The following ENPP1 variants were observed in gnomAD, a reference collection of about 807,000 sequenced individuals.
ENPP1 encodes the protein ectonucleotide pyrophosphatase/phosphodiesterase family member 1.
A neutral mutation model predicts 122.8 loss-of-function variants in ENPP1; 73 were observed. The observed-to-expected ratio is 0.59, with a 90% confidence interval of 0.49 to 0.72. The LOEUF is 0.72. ENPP1 is among the 30% of genes least tolerant of loss of function. The pLI is 0.00. For synonymous variants in ENPP1, 367 were observed against 391.6 expected, an observed-to-expected ratio of 0.94 and a Z score of 0.74; for missense variants, 978 against 1,128.1, an observed-to-expected ratio of 0.87 and a Z score of 1.91.
intron 1 of ENPP1, among the ~76,000 whole-genome samples, chr6:131,824,270 C>A (rs990025845): frequency 4.6e-5 from 7 of 151,798 alleles, no homozygotes; most frequent in African/African-American, 1.7e-4. Context: ...AAGTGACAGG[C>A]GAGCAGAAGA....
intron 1 of ENPP1, among the ~76,000 whole-genome samples, chr6:131,821,090 T>C (rs564327502): frequency 6.6e-6 from 1 of 152,340 alleles, no homozygotes; most frequent in South Asian, 2.1e-4. Flanking sequence ...CTACCCAAAG[T>C]GTGGTCTGCA....
intron 8 of ENPP1, among the ~76,000 whole-genome samples, chr6:131,861,355 G>A (rs763855283): frequency 4.6e-5 from 7 of 152,116 alleles, no homozygotes; most frequent in Non-Finnish European, 1.0e-4. Context: ...TCTTTTAAGA[G>A]ACAACTGTTA....
chr6:131,837,248 A>G (rs929057546), intron 1 of ENPP1, among the ~76,000 whole-genome samples: 1 of 150,974 alleles, frequency 6.6e-6, no homozygotes, highest in African/African-American at 2.4e-5. Flanking sequence ...TATAAAGGCC[A>G]GACACGATGG....
At chr6:131,812,725 A>G (rs972421585) in intron 1 of ENPP1, among the ~76,000 whole-genome samples, 4 of 152,224 alleles carry the variant, frequency 2.6e-5, no homozygotes, top group Non-Finnish European at 5.9e-5. Context: ...TATATATTTC[A>G]GGGAGGCAGG....
intron 1 of ENPP1, among the ~76,000 whole-genome samples, chr6:131,840,320 C>T (rs1781724390): frequency 6.6e-6 from 1 of 152,168 alleles, no homozygotes; most frequent in South Asian, 2.1e-4. Context: ...TGGTCTTCAG[C>T]TACTGTTGAA....
At chr6:131,820,500 G>A (rs1781471811) in intron 1 of ENPP1, 1 of 152,982 alleles carries the variant, frequency 6.5e-6, no homozygotes, top group Non-Finnish European at 1.5e-5. Context: ...TCCCATAGAT[G>A]AGAACCAGTC....
intron 1 of ENPP1, among the ~76,000 whole-genome samples, chr6:131,825,777 T>G (rs2114664842): frequency 6.6e-6 from 1 of 152,346 alleles, no homozygotes; most frequent in Admixed American, 6.5e-5. Flanking sequence ...TAAGTTGATT[T>G]AAGCCTAAAT....
At position 131,866,007 on chromosome 6, in the gene ENPP1, A is replaced by AAAGAG. The variant is rs1554203831; in HGVS notation, c.1164+1070_1164+1071insAGAGA. 6.2e-4 allele frequency among the ~76,000 whole-genome samples: 94 copies of AAAGAG among 150,468 alleles called. 3 individuals carry two copies. Among genetic ancestry groups the AAAGAG allele is most frequent in the African/African-American group, 2.1e-3 (84 of 40,322 alleles). On this transcript the variant is annotated intron_variant, in intron 11 of 24. Coordinates refer to ENST00000647893, the MANE Select transcript of ENPP1 (RefSeq NM_006208.3). ...GGGACTCTGTCTCAAAAAAAAAAAA[A>AAAGAG]AGAGAAAAAGAAAATGATTTGAGCA...
At chr6:131,880,359 C>A (rs944955062) in intron 20 of ENPP1, among the ~76,000 whole-genome samples, 12 of 151,968 alleles carry the variant, frequency 7.9e-5, no homozygotes, top group African/African-American at 2.7e-4. Context: ...GTCAGGAGAT[C>A]GAGACCATCC....
chr6:131,831,387 G>A (rs1176114213), intron 1 of ENPP1, among the ~76,000 whole-genome samples: 2 of 152,068 alleles, frequency 1.3e-5, no homozygotes, highest in Non-Finnish European at 2.9e-5. Flanking sequence ...TGAATCAACA[G>A]TGATACATGA....
intron 11 of ENPP1, among the ~76,000 whole-genome samples, chr6:131,865,170 C>G (rs1057082507): frequency 4.6e-5 from 7 of 152,196 alleles, no homozygotes; most frequent in Non-Finnish European, 1.0e-4. Flanking sequence ...CAATTAGCTT[C>G]TATATTTTCA....
chr6:131,872,357 C>T (rs2114714754), intron 14 of ENPP1, among the ~76,000 whole-genome samples: 1 of 152,180 alleles, frequency 6.6e-6, no homozygotes, highest in East Asian at 1.9e-4. Flanking sequence ...AAACTATTTA[C>T]AAGAAATAAT....
At chr6:131,851,866 G>A (rs1392210500) in intron 4 of ENPP1, among the ~76,000 whole-genome samples, 1 of 152,090 alleles carries the variant, frequency 6.6e-6, no homozygotes, top group Non-Finnish European at 1.5e-5. Flanking sequence ...GAAGGGGAGG[G>A]TTGTAAATTT....
chr6:131,844,962 T>C (rs1476531410), intron 1 of ENPP1, among the ~76,000 whole-genome samples: 3 of 151,898 alleles, frequency 2.0e-5, no homozygotes, highest in Non-Finnish European at 4.4e-5. Context: ...TTGTGAGTTA[T>C]GTGATAGATG....
At chr6:131,870,192 T>G (rs1782143724) in intron 13 of ENPP1, among the ~76,000 whole-genome samples, 2 of 152,194 alleles carry the variant, frequency 1.3e-5, no homozygotes, top group Admixed American at 6.5e-5. Context: ...ATTACTTAGT[T>G]TGGGATTAAT....
chr6:131,865,154 G>A (rs1346124246), intron 11 of ENPP1, among the ~76,000 whole-genome samples: 3 of 152,216 alleles, frequency 2.0e-5, no homozygotes, highest in Non-Finnish European at 4.4e-5. Flanking sequence ...AAATTAAACT[G>A]ATGATCAATT....
At chr6:131,816,230 ACTT>A (rs1781412253) in intron 1 of ENPP1, among the ~76,000 whole-genome samples, 2 of 152,206 alleles carry the variant, frequency 1.3e-5, no homozygotes, top group Non-Finnish European at 2.9e-5. Context: ...ATGATTTATA[ACTT>A]CTTTTTTTTT....
chr6:131,861,951 C>CT (rs1216845477), intron 9 of ENPP1, among the ~76,000 whole-genome samples: 4 of 152,018 alleles, frequency 2.6e-5, no homozygotes, highest in Admixed American at 2.0e-4. Flanking sequence ...GAGGGGTCAC[C>CT]TGAGGTCAGG....
intron 1 of ENPP1, among the ~76,000 whole-genome samples, chr6:131,825,173 T>C (rs1435767044): frequency 1.3e-5 from 2 of 152,238 alleles, no homozygotes; most frequent in Admixed American, 6.5e-5. Flanking sequence ...GATTTACTTT[T>C]GGAAAAATCA....
Sources: gnomAD v4.1 joint callset for allele counts (sites outside exome capture counted in the v4.1 genomes callset) on GRCh38, gnomAD v4.1.1 for gene constraint, MANE v1.5 for transcripts, NCBI Gene and HGNC (gene_info 2026-07-23, HGNC 2026-07-21) for gene names.